The following AK9 variants were observed in gnomAD, a reference collection of about 807,000 sequenced individuals.
AK9 encodes adenylate kinase 9, also known as adenylate kinase domain containing 1.
In AK9, 191 loss-of-function variants were observed where a neutral mutation model predicts 239.6. That is an observed-to-expected ratio of 0.80 (90% confidence interval 0.71 to 0.90). The LOEUF (loss-of-function observed/expected upper bound fraction) is 0.90, where lower values mean the gene tolerates loss of function less well. Among genes scored for constraint, AK9 ranks in the 40% least tolerant of loss-of-function variants. The pLI is 0.00. For synonymous variants in AK9, 689 were observed against 721.0 expected (o/e 0.96, Z 0.71); for missense variants, 1,995 against 2,214.7 (o/e 0.90, Z 1.99).
chr6:109,675,871 A>G, intron 1 of AK9, 115 bp from the exon 2 acceptor site: 2 of 579,474 alleles, frequency 3.5e-6, no homozygotes, highest in Non-Finnish European at 6.1e-6. Flanking sequence ...TTGTACCATT[A>G]AACACATGAA....
chr6:109,595,425 T>C (rs570675872), intron 17 of AK9, among the ~76,000 whole-genome samples: 1 of 152,292 alleles, frequency 6.6e-6, no homozygotes, highest in East Asian at 1.9e-4. Flanking sequence ...AGTTCAACCA[T>C]TGTGGAAGAC....
At chr6:109,501,239 C>T (rs999641299) in intron 35 of AK9, among the ~76,000 whole-genome samples, 3 of 152,148 alleles carry the variant, frequency 2.0e-5, no homozygotes, top group Admixed American at 1.3e-4. Flanking sequence ...ATTTTGGAAT[C>T]ACAGGCCAGA....
chr6:109,625,277 A>G (rs972088006), intron 12 of AK9, among the ~76,000 whole-genome samples: 2 of 152,116 alleles, frequency 1.3e-5, no homozygotes, highest in African/African-American at 2.4e-5. Flanking sequence ...TTCACTTGCT[A>G]TATACTTCTA....
chr6:109,517,894 A>T (rs1348116857), intron 29 of AK9, among the ~76,000 whole-genome samples: 1 of 152,042 alleles, frequency 6.6e-6, no homozygotes, highest in African/African-American at 2.4e-5. Flanking sequence ...TCCCTGTAGT[A>T]TTCCTTGTTT....
chr6:109,518,624 G>T (rs1350297815), intron 29 of AK9, among the ~76,000 whole-genome samples: 1 of 151,574 alleles, frequency 6.6e-6, no homozygotes, highest in Non-Finnish European at 1.5e-5. Flanking sequence ...CTCCTACCTG[G>T]AATTAATTTT....
rs777869563 is a variant in AK9 at position 109,506,541 on chromosome 6, A to C, written c.4635T>G (p.Pro1545=). ...LLEKENEQRL[P]YPLHNSAQIV... ...TTTGTGCACTATTGTGCAATGGATA[A>C]GGCAATCTAATAGGGAAACAGAGAA... is the stretch of plus-strand genomic sequence containing the variant. Residue 1545 remains proline (P), a synonymous_variant, in exon 35 of 41, where the codon CCT becomes CCG. Coordinates refer to ENST00000424296, the MANE Select transcript of AK9 (RefSeq NM_001145128.3). 1.3e-6 allele frequency: 2 copies of C among 1,579,520 alleles called. No individual in the cohort carries two copies. Among genetic ancestry groups the C allele is most frequent in the Admixed American group, 3.7e-5 (2 of 54,122 alleles).
intron 17 of AK9, among the ~76,000 whole-genome samples, chr6:109,591,246 A>G (rs974162923): frequency 6.6e-6 from 1 of 152,132 alleles, no homozygotes; most frequent in African/African-American, 2.4e-5. Flanking sequence ...TTCTTCTGCA[A>G]TTGATCCTTT....
In AK9 at chr6:109,499,131, T is replaced by G; in HGVS notation, c.4959A>C (p.Leu1653Phe). The G allele has an allele frequency of 6.2e-7, 1 of 1,610,806 alleles. No homozygotes were observed. The highest frequency in any genetic ancestry group is 8.5e-7 in the Non-Finnish European group (1 of 1,178,444). Reference protein sequence around the residue: ...CPVSLAESQELFDCSATDSLE... With the variant: ...CPVSLAESQEFFDCSATDSLE... Reference sequence around the variant, plus strand: ...AGGAGTCAGTTGCAGAGCAATCAAATAATTCCTGGGATTCTGCCAGGCTGA... The same window carrying G: ...AGGAGTCAGTTGCAGAGCAATCAAAGAATTCCTGGGATTCTGCCAGGCTGA... Residue 1653 changes from leucine to phenylalanine, a missense_variant, in exon 36 of 41, where the codon TTA becomes TTC. Coordinates refer to ENST00000424296, the MANE Select transcript of AK9 (RefSeq NM_001145128.3).
chr6:109,633,145 G>C, intron 11 of AK9, 39 bp downstream of exon 11: 1 of 1,567,752 alleles, frequency 6.4e-7, no homozygotes, highest in Non-Finnish European at 8.6e-7. Flanking sequence ...AAAGATGTAT[G>C]AGGAAGATTT....
At chr6:109,590,967 G>A (rs1320535709) in intron 17 of AK9, among the ~76,000 whole-genome samples, 2 of 151,958 alleles carry the variant, frequency 1.3e-5, no homozygotes, top group Non-Finnish European at 2.9e-5. Context: ...ATGTTCCATG[G>A]GCAGATGAGA....
chr6:109,542,236 A>C, intron 26 of AK9, 65 bp from the exon 27 acceptor site: 7 of 1,434,630 alleles, frequency 4.9e-6, no homozygotes, highest in Non-Finnish European at 6.6e-6. Context: ...GCATGTTCTC[A>C]CTCATATGTG....
At chr6:109,540,169 G>C (rs1782665199) in intron 27 of AK9, among the ~76,000 whole-genome samples, 1 of 152,186 alleles carries the variant, frequency 6.6e-6, no homozygotes, top group African/African-American at 2.4e-5. Flanking sequence ...GGTTTCTGCT[G>C]CCTTTTGTTT....
chr6:109,681,407 A>G (rs1340926932), intron 1 of AK9, among the ~76,000 whole-genome samples: 1 of 152,248 alleles, frequency 6.6e-6, no homozygotes, highest in African/African-American at 2.4e-5. Flanking sequence ...TATACTAAAT[A>G]TATATGCACC....
At chr6:109,627,413 T>C (rs557099465) in intron 12 of AK9, among the ~76,000 whole-genome samples, 1 of 152,280 alleles carries the variant, frequency 6.6e-6, no homozygotes, top group East Asian at 1.9e-4. Context: ...ATTAACATCA[T>C]TGTTTTTTAT....
At chr6:109,579,209 A>T (rs545734447) in intron 20 of AK9, 2 of 182,414 alleles carry the variant, frequency 1.1e-5, no homozygotes, top group Admixed American at 1.2e-4. Context: ...AAGTAATTCC[A>T]ACAGCTGTGT....
intron 12 of AK9, among the ~76,000 whole-genome samples, chr6:109,622,713 A>T (rs1352284646): frequency 6.7e-6 from 1 of 149,884 alleles, no homozygotes; most frequent in East Asian, 1.9e-4. Flanking sequence ...GATAATATAT[A>T]ACACACATAT....
chr6:109,662,493 T>C, intron 6 of AK9, 58 bp downstream of exon 6: 1 of 1,300,918 alleles, frequency 7.7e-7, no homozygotes, highest in Non-Finnish European at 1.0e-6. Context: ...ATTCCTTGAA[T>C]TTAACTACTA....
At chr6:109,537,880 A>G (rs1782253318) in intron 27 of AK9, among the ~76,000 whole-genome samples, 1 of 152,136 alleles carries the variant, frequency 6.6e-6, no homozygotes, top group Admixed American at 6.6e-5. Flanking sequence ...GTCATTCAGG[A>G]GCAGGTTGTT....
intron 32 of AK9, among the ~76,000 whole-genome samples, chr6:109,513,145 A>T (rs1034000195): frequency 2.6e-5 from 4 of 152,198 alleles, no homozygotes; most frequent in Admixed American, 1.3e-4. Flanking sequence ...GATTACAGGC[A>T]TGAGCCACTG....
Sources: gnomAD v4.1 joint callset for allele counts (sites outside exome capture counted in the v4.1 genomes callset) on GRCh38, gnomAD v4.1.1 for gene constraint, MANE v1.5 for transcripts, NCBI Gene and HGNC (gene_info 2026-07-23, HGNC 2026-07-21) for gene names.